The following ZFYVE26 variants were observed in gnomAD, a reference collection of about 807,000 sequenced individuals.
The protein encoded by ZFYVE26 is zinc finger FYVE-type containing 26.
A neutral mutation model predicts 276.5 loss-of-function variants in ZFYVE26; 181 were observed. The observed-to-expected ratio is 0.65, with a 90% CI of 0.58 to 0.74. The LOEUF (loss-of-function observed/expected upper bound fraction) is 0.74, where lower values mean the gene tolerates loss of function less well. Ranked by LOEUF, ZFYVE26 falls within the 30% of genes least tolerant of loss-of-function variation. The pLI is 0.00. For missense variants in ZFYVE26, 2,821 were observed against 3,097.9 expected (o/e 0.91, Z 2.12); for synonymous variants, 1,129 against 1,203.1 (o/e 0.94, Z 1.27).
At position 67,755,159 on chromosome 14, in the gene ZFYVE26, A is replaced by T. The variant is rs1289628734; in HGVS notation, c.6878T>A (p.Leu2293His). The change falls in exon 37 of 42, where the codon CTT (leucine) becomes CAT (histidine). Residue 2293 changes from leucine (L) to histidine (H), a missense_variant. By Grantham distance (99) the Leu-to-His change is moderately conservative (BLOSUM62 -3). Coordinates refer to ENST00000347230, the MANE Select transcript of ZFYVE26 (RefSeq NM_015346.4). The part of the protein sequence containing the change: ...TELGEKLSWL[L>H]KAKDHLKIYL... ...GATCTTCAGGTGGTCCTTGGCCTTA[A>T]GTAGCCATGAGAGCTTCTCTCCCAG... 1 of 1,614,194 alleles carries T rather than the reference A, an allele frequency of 6.2e-7. No individual in the cohort carries two copies. The highest frequency in any genetic ancestry group is 8.5e-7 in the Non-Finnish European group (1 of 1,180,034).
At position 67,815,807 on chromosome 14, in the gene ZFYVE26, T is replaced by TGTCTTCTAC. The variant is rs764705562; in HGVS notation, c.148_156dup (p.Val50_Asp52dup). The TGTCTTCTAC allele has an allele frequency of 6.2e-7, 1 of 1,613,884 alleles. No homozygotes were observed. The highest frequency in any genetic ancestry group is 1.1e-5 in the South Asian group (1 of 91,070). ...GGACACACCACCAATGCCTGAAGTA[T>TGTCTTCTAC]GTCTTCTACCCTCTTTGGGATATCC... On this transcript the variant is annotated inframe_insertion, in exon 2 of 42. Transcript: ENST00000347230.
At chr14:67,737,099 T>C (rs1425877967) in intron 13 of ZFYVE26, among the ~76,000 whole-genome samples, 2 of 149,204 alleles carry the variant, frequency 1.3e-5, no homozygotes, top group Non-Finnish European at 3.0e-5. Flanking sequence ...TTTTTTTTTT[T>C]TTTTTTTTCG....
At chr14:67,798,965 T>C in intron 10 of ZFYVE26, 1 of 1,127,000 alleles carries the variant, frequency 8.9e-7, no homozygotes, top group African/African-American at 1.5e-5. Context: ...GCGGTTTCGG[T>C]GGGAGGGGCG....
chr14:67,806,770 C>G, intron 5 of ZFYVE26, 95 bp from the exon 6 acceptor site: 6 of 1,477,112 alleles, frequency 4.1e-6, no homozygotes, highest in Non-Finnish European at 4.7e-6. Flanking sequence ...AGAGTTTGCT[C>G]TTTTAAAAAC....
chr14:67,729,919 C>T (rs718212), intron 13 of ZFYVE26: 228,452 of 418,326 alleles, frequency 0.55, 65,024 homozygotes, highest in Non-Finnish European at 0.62. Context: ...GGTGAAATCT[C>T]TTTCCCATTC....
intron 27 of ZFYVE26, among the ~76,000 whole-genome samples, chr14:67,773,291 C>T (rs774305938): frequency 2.0e-5 from 3 of 151,770 alleles, no homozygotes; most frequent in Admixed American, 6.6e-5. Flanking sequence ...CAGATTATGC[C>T]TGTAATCCCA....
chr14:67,740,344 T>G (rs1054372472), intron 13 of ZFYVE26, among the ~76,000 whole-genome samples: 1 of 150,890 alleles, frequency 6.6e-6, no homozygotes, highest in Non-Finnish European at 1.5e-5. Context: ...GCAAAAAAAA[T>G]TATTTAAAAA....
chr14:67,794,757 C>A (rs2039910943), intron 12 of ZFYVE26, among the ~76,000 whole-genome samples: 1 of 151,988 alleles, frequency 6.6e-6, no homozygotes, highest in South Asian at 2.1e-4. Context: ...CCAGCCTGGG[C>A]AACACTGCAA....
chr14:67,806,493 T>G (rs2040182598), intron 6 of ZFYVE26, 52 bp downstream of exon 6: 1 of 1,610,542 alleles, frequency 6.2e-7, no homozygotes, highest in African/African-American at 1.3e-5. Context: ...AATGAAAAAG[T>G]CTGGGGAGAA....
chr14:67,751,759 G>C (rs2140180237), intron 40 of ZFYVE26, among the ~76,000 whole-genome samples: 1 of 152,152 alleles, frequency 6.6e-6, no homozygotes, highest in South Asian at 2.1e-4. Context: ...TGTAGTCCCA[G>C]CTACTCAGGA....
Position 67,778,177 on chromosome 14 carries a change from T to C in ZFYVE26, c.4746A>G (p.Gln1582=). Residue 1582 remains glutamine, a synonymous_variant, in exon 24 of 42, where the codon CAA becomes CAG. Coordinates refer to ENST00000347230, the MANE Select transcript of ZFYVE26 (RefSeq NM_015346.4). ...TTTCTAGAAGGTGGAGAAGATGCTT[T>C]TGATGAAGGCTGATTAAATGTTCTC... ...IPREHLISLH[Q]KHLLHLLERR... 6.2e-7 allele frequency: 1 copy of C among 1,614,200 alleles called. No homozygotes were observed.
chr14:67,761,946 G>T, intron 34 of ZFYVE26: 1 of 569,604 alleles, frequency 1.8e-6, no homozygotes. Context: ...GTCTGTGTAT[G>T]GGATTATATG....
At chr14:67,798,666 CAG>C (rs762498226) in intron 10 of ZFYVE26, 44 bp from the exon 11 acceptor site, 1 of 1,612,366 alleles carries the variant, frequency 6.2e-7, no homozygotes, top group Non-Finnish European at 8.5e-7. Flanking sequence ...AAAGAGAAGA[CAG>C]AGAATGCAAA....
rs547816884 is a variant in ZFYVE26 at position 67,777,596 on chromosome 14, C to T, written c.4937G>A (p.Arg1646Gln). The change falls in exon 25 of 42, where the codon CGA (arginine) becomes CAA (glutamine). Residue 1646 changes from arginine to glutamine, a missense_variant. Coordinates refer to ENST00000347230, the MANE Select transcript of ZFYVE26 (RefSeq NM_015346.4). ...THFYGQLTAVRHREIQALYVG... is the reference protein window; with the variant it reads ...THFYGQLTAVQHREIQALYVG... ...ATACAGCGCCTGGATTTCACGGTGTCGGACAGCAGTCAGTTGTCCATAGAA... is the reference window on the plus strand; with the variant it reads ...ATACAGCGCCTGGATTTCACGGTGTTGGACAGCAGTCAGTTGTCCATAGAA... 49 of 1,614,040 alleles carry T rather than the reference C, an allele frequency of 3.0e-5. 1 individual carries two copies. The highest frequency in any genetic ancestry group is 3.6e-5 in the Non-Finnish European group (42 of 1,180,014).
intron 32 of ZFYVE26, 120 bp from the exon 33 acceptor site, chr14:67,762,939 G>T: frequency 1.4e-6 from 2 of 1,419,794 alleles, no homozygotes; most frequent in Non-Finnish European, 1.9e-6. Flanking sequence ...GTCTCGTTCT[G>T]TCACCCAGGC....
intron 20 of ZFYVE26, among the ~76,000 whole-genome samples, chr14:67,783,742 G>A (rs1254700663): frequency 6.6e-6 from 1 of 152,132 alleles, no homozygotes; most frequent in Non-Finnish European, 1.5e-5. Flanking sequence ...TCCCTCTACA[G>A]AGAGGACCCT....
chr14:67,807,882 G>A lies in ZFYVE26; in HGVS notation c.402C>T (p.His134=), dbSNP rs1230979047. The stretch of plus-strand genomic sequence containing the variant: ...CCCTCCTTGGATTTCCGTCAGGCAC[G>A]TGGCCTACTGCACCCTGTGTTAAGG... ...YETLTQGAVG[H]VPDGNPRRES... is the part of the protein sequence containing the mutation. Residue 134 remains histidine (H), a synonymous_variant, in exon 5 of 42, where the codon CAC becomes CAT. Transcript: ENST00000347230. 5.6e-6 allele frequency: 9 copies of A among 1,613,942 alleles called. No homozygotes were observed. In the South Asian group the frequency reaches 6.6e-5, roughly 12 times the overall value.
chr14:67,794,274 A>G, intron 12 of ZFYVE26, 35 bp from the exon 13 acceptor site: 1 of 1,597,952 alleles, frequency 6.3e-7, no homozygotes, highest in Non-Finnish European at 8.6e-7. Context: ...AAAGTCAATT[A>G]TCAGCTCCTT....
intron 20 of ZFYVE26, 149 bp downstream of exon 20, chr14:67,784,185 A>C: frequency 1.3e-6 from 1 of 745,718 alleles, no homozygotes; most frequent in South Asian, 1.4e-5. Flanking sequence ...AGGCACATTA[A>C]ATTTTCAGTT....
Sources: gnomAD v4.1 joint callset for allele counts (sites outside exome capture counted in the v4.1 genomes callset) on GRCh38, gnomAD v4.1.1 for gene constraint, MANE v1.5 for transcripts, NCBI Gene and HGNC (gene_info 2026-07-23, HGNC 2026-07-21) for gene names.